TMEM132D: variants seen among roughly 807,000 people sequenced by gnomAD.
The protein encoded by TMEM132D is transmembrane protein 132D.
Under a neutral mutation model 62.3 loss-of-function variants are expected in TMEM132D, and 21 were observed. The ratio of observed to expected loss-of-function variants is 0.34; its 90% confidence interval spans 0.24 to 0.49. The LOEUF is 0.49. TMEM132D is among the 20% of genes least tolerant of loss of function. TMEM132D has a pLI of 0.99. For synonymous variants in TMEM132D, 621 were observed against 575.6 expected (o/e 1.08, Z -1.13); for missense variants, 1,346 against 1,402.8 (o/e 0.96, Z 0.65).
chr12:129,486,869 C>G (rs1335304958), intron 3 of TMEM132D, among the ~76,000 whole-genome samples: 2 of 152,140 alleles, frequency 1.3e-5, no homozygotes, highest in East Asian at 3.9e-4. Context: ...GTGATAGAAA[C>G]AGCCTTGAAC....
chr12:129,093,908 C>G (rs1875013767), intron 5 of TMEM132D, among the ~76,000 whole-genome samples: 1 of 151,756 alleles, frequency 6.6e-6, no homozygotes, highest in Non-Finnish European at 1.5e-5. Flanking sequence ...TTTGACAAAC[C>G]TGATAAAAAC....
intron 5 of TMEM132D, among the ~76,000 whole-genome samples, chr12:129,119,024 G>A (rs1875980270): frequency 1.3e-5 from 2 of 152,116 alleles, no homozygotes; most frequent in African/African-American, 4.8e-5. Context: ...TCAAGAGAGG[G>A]GCAATGACAT....
At chr12:129,134,124 GTGTGTGTGTC>G (rs1555231895) in intron 5 of TMEM132D, among the ~76,000 whole-genome samples, 10 of 142,124 alleles carry the variant, frequency 7.0e-5, no homozygotes, top group African/African-American at 2.3e-4. Context: ...TGTTGTGTGT[GTGTGTGTGTC>G]TGTGTGTGTG....
chr12:129,760,323 C>CTTTTTTTTTTTTTTTTTTTTT (rs71082753), intron 1 of TMEM132D, among the ~76,000 whole-genome samples: 2 of 115,494 alleles, frequency 1.7e-5, no homozygotes, highest in African/African-American at 7.2e-5. Flanking sequence ...AAGCCACTTT[C>CTTTTTTTTTTTTTTTTTTTTT]TTTTTTTTTT....
At chr12:129,279,771 G>A (rs928009516) in intron 4 of TMEM132D, among the ~76,000 whole-genome samples, 1 of 152,164 alleles carries the variant, frequency 6.6e-6, no homozygotes, top group Non-Finnish European at 1.5e-5. Context: ...GAAAAATCAA[G>A]AACAGCACAA....
chr12:129,793,654 T>C (rs956099089), intron 1 of TMEM132D, among the ~76,000 whole-genome samples: 7 of 152,328 alleles, frequency 4.6e-5, no homozygotes, highest in African/African-American at 1.4e-4. Context: ...GCGTGGGCCA[T>C]CACACCTAGC....
chr12:129,458,752 C>T (rs576894257), intron 3 of TMEM132D, among the ~76,000 whole-genome samples: 3 of 152,238 alleles, frequency 2.0e-5, no homozygotes, highest in Admixed American at 1.3e-4. Context: ...GGCTCATATT[C>T]GGCCGATGCG....
chr12:129,677,284 G>T (rs116890756), intron 2 of TMEM132D, among the ~76,000 whole-genome samples: 2 of 152,104 alleles, frequency 1.3e-5, no homozygotes, highest in Admixed American at 6.6e-5. Flanking sequence ...GTTTTAAAAC[G>T]AGGAGTTTCC....
chr12:129,767,621 C>A (rs1273476574), intron 1 of TMEM132D, among the ~76,000 whole-genome samples: 1 of 152,214 alleles, frequency 6.6e-6, no homozygotes, highest in Non-Finnish European at 1.5e-5. Flanking sequence ...TGGCTTTTCT[C>A]ACTTAGCATA....
chr12:129,205,248 G>A (rs1414978611), intron 5 of TMEM132D, among the ~76,000 whole-genome samples: 2 of 151,988 alleles, frequency 1.3e-5, no homozygotes, highest in African/African-American at 4.8e-5. Flanking sequence ...AAGACTTAAT[G>A]GTATGCTGTC....
intron 3 of TMEM132D, among the ~76,000 whole-genome samples, chr12:129,360,668 G>A (rs1870216424): frequency 6.6e-6 from 1 of 152,152 alleles, no homozygotes. Flanking sequence ...ATGCTGAGTG[G>A]GTTTGCAGCG....
intron 1 of TMEM132D, among the ~76,000 whole-genome samples, chr12:129,756,181 G>A (rs1420028230): frequency 1.3e-5 from 2 of 152,192 alleles, no homozygotes; most frequent in Non-Finnish European, 2.9e-5. Context: ...TATGCAAAAT[G>A]TGTAGGTTCC....
chr12:129,073,506 C>A lies in TMEM132D; in HGVS notation c.*369G>T, dbSNP rs139764768. 1.8e-4 allele frequency: 31 copies of A among 177,100 alleles called. No homozygotes were observed. Among genetic ancestry groups the A allele is most frequent in the African/African-American group, 7.3e-4 (31 of 42,440 alleles). The allele number at this position is 177,100 out of a possible 1,614,324, so 11.0% of individuals were successfully genotyped here. A position where few individuals can be genotyped will look rare whatever the true frequency, so the allele number is the denominator to read the frequency against. ...CTGAGTTGTACTTTTCTTCCATAGTCTGCAATATTGAATATTGGAGCCATG... is the reference window on the plus strand; with the variant it reads ...CTGAGTTGTACTTTTCTTCCATAGTATGCAATATTGAATATTGGAGCCATG... On this transcript the variant is annotated 3_prime_UTR_variant, in exon 9 of 9. Coordinates refer to ENST00000422113, the MANE Select transcript of TMEM132D (RefSeq NM_133448.3).
At chr12:129,123,081 C>G (rs1876112520) in intron 5 of TMEM132D, among the ~76,000 whole-genome samples, 1 of 152,102 alleles carries the variant, frequency 6.6e-6, no homozygotes, top group African/African-American at 2.4e-5. Context: ...CAGAAAGGAA[C>G]TTTTCTAAAC....
chr12:129,482,098 C>A (rs1215779213), intron 3 of TMEM132D, among the ~76,000 whole-genome samples: 1 of 152,220 alleles, frequency 6.6e-6, no homozygotes, highest in African/African-American at 2.4e-5. Flanking sequence ...AGAAGGAGGT[C>A]CCAGCCATAT....
At chr12:129,328,341 T>C (rs1868986814) in intron 4 of TMEM132D, among the ~76,000 whole-genome samples, 1 of 152,220 alleles carries the variant, frequency 6.6e-6, no homozygotes, top group South Asian at 2.1e-4. Flanking sequence ...GGAAATGCTT[T>C]TCAAATGGAC....
intron 3 of TMEM132D, among the ~76,000 whole-genome samples, chr12:129,447,774 T>C (rs956230456): frequency 2.6e-5 from 4 of 151,992 alleles, no homozygotes; most frequent in Non-Finnish European, 5.9e-5. Context: ...CAAACCAGAG[T>C]GTGTGGTGAT....
At chr12:129,661,340 T>C (rs1452647776) in intron 2 of TMEM132D, among the ~76,000 whole-genome samples, 1 of 152,226 alleles carries the variant, frequency 6.6e-6, no homozygotes, top group Admixed American at 6.5e-5. Context: ...CTCAGCAGCT[T>C]CTGGAGTTAA....
intron 4 of TMEM132D, among the ~76,000 whole-genome samples, chr12:129,217,711 C>T (rs1011737569): frequency 7.6e-6 from 1 of 130,740 alleles, no homozygotes; most frequent in African/African-American, 2.6e-5. Flanking sequence ...TGAAGACTTG[C>T]AAAAAGGTAG....
Sources: allele counts gnomAD v4.1 joint callset (sites outside exome capture counted in the v4.1 genomes callset), GRCh38; gene constraint gnomAD v4.1.1; transcripts MANE v1.5; gene names NCBI Gene and HGNC (gene_info 2026-07-23, HGNC 2026-07-21).